The following XYLT1 variants were observed in gnomAD, a reference collection of about 807,000 sequenced individuals.
XYLT1 encodes the protein beta-D-xylosyltransferase 1.
XYLT1 carries 36 observed loss-of-function variants against 91.3 expected under a neutral mutation model. That is an observed-to-expected ratio of 0.39 (90% CI 0.30 to 0.52). The LOEUF (loss-of-function observed/expected upper bound fraction) is 0.52. Among genes scored for constraint, XYLT1 ranks in the 20% least tolerant of loss-of-function variants. The pLI, the probability that XYLT1 is intolerant of heterozygous loss-of-function variation, is 0.68. For synonymous variants in XYLT1, 588 were observed against 532.0 expected (o/e 1.11, Z -1.45); for missense variants, 1,242 against 1,284.5 (o/e 0.97, Z 0.51).
intron 5 of XYLT1, among the ~76,000 whole-genome samples, chr16:17,160,809 T>C (rs888446219): frequency 2.6e-5 from 4 of 152,198 alleles, no homozygotes; most frequent in Non-Finnish European, 5.9e-5. Flanking sequence ...AGAGCCTCTT[T>C]AATAAGTCGC....
chr16:17,431,486 A>G (rs1335037561), intron 1 of XYLT1, among the ~76,000 whole-genome samples: 1 of 152,196 alleles, frequency 6.6e-6, no homozygotes, highest in Non-Finnish European at 1.5e-5. Flanking sequence ...CAAATTTAAG[A>G]AGCACTTAGC....
chr16:17,161,452 G>T (rs1207595134), intron 5 of XYLT1, among the ~76,000 whole-genome samples: 3 of 152,100 alleles, frequency 2.0e-5, no homozygotes. Context: ...CCTTGCTAGG[G>T]TCTCGGGCCC....
In XYLT1 at chr16:17,104,158, C is replaced by T. The variant is rs570396748; in HGVS notation, c.*4537G>A. On this transcript the variant is annotated 3_prime_UTR_variant, in exon 12 of 12. Coordinates refer to ENST00000261381, the MANE Select transcript of XYLT1 (RefSeq NM_022166.4). ...GAGCCAGCACAGCTCTATGTGGTTT[C>T]CAAAGAGGCTTCCAGGGATGGGACA... The T allele has an allele frequency of 2.0e-5, 3 of 152,818 alleles. No homozygotes were observed. The South Asian group carries it at 6.2e-4, about 32-fold the overall frequency. The allele number at this position is 152,818 out of a possible 1,614,324, so 9.5% of individuals were successfully genotyped here.
chr16:17,245,147 A>C (rs1283886485), intron 3 of XYLT1, among the ~76,000 whole-genome samples: 1 of 152,196 alleles, frequency 6.6e-6, no homozygotes, highest in African/African-American at 2.4e-5. Context: ...CCTTATCTGC[A>C]ATGTTTCAGT....
intron 2 of XYLT1, among the ~76,000 whole-genome samples, chr16:17,332,315 A>T (rs1327047370): frequency 6.6e-6 from 1 of 152,194 alleles, no homozygotes; most frequent in Non-Finnish European, 1.5e-5. Flanking sequence ...TAATCCCAGC[A>T]CTTTGGAAGG....
intron 1 of XYLT1, among the ~76,000 whole-genome samples, chr16:17,378,053 T>C (rs778375480): frequency 1.3e-5 from 2 of 152,218 alleles, no homozygotes; most frequent in African/African-American, 2.4e-5. Flanking sequence ...AGGTCAAACC[T>C]GTCTACAGTA....
chr16:17,220,322 A>C, intron 3 of XYLT1, among the ~76,000 whole-genome samples: 1 of 152,120 alleles, frequency 6.6e-6, no homozygotes, highest in African/African-American at 2.4e-5. Flanking sequence ...TTTAAAAAAA[A>C]AATATGAGCA....
chr16:17,163,803 C>T (rs896457316), intron 5 of XYLT1, among the ~76,000 whole-genome samples: 1 of 152,094 alleles, frequency 6.6e-6, no homozygotes, highest in Admixed American at 6.6e-5. Flanking sequence ...AATCCCAGCA[C>T]TGTGGGAGGC....
intron 8 of XYLT1, among the ~76,000 whole-genome samples, chr16:17,135,316 T>C (rs1362256994): frequency 6.6e-6 from 1 of 152,104 alleles, no homozygotes; most frequent in Non-Finnish European, 1.5e-5. Context: ...GCCTCTTTGG[T>C]ATTTCAGCCA....
At chr16:17,397,280 A>G (rs529959202) in intron 1 of XYLT1, among the ~76,000 whole-genome samples, 8 of 152,078 alleles carry the variant, frequency 5.3e-5, no homozygotes, top group African/African-American at 1.9e-4. Context: ...ATTGCCATCG[A>G]CCTCTATCTG....
Position 17,259,023 on chromosome 16 carries a change from A to G in XYLT1, c.878T>C (p.Met293Thr), listed in dbSNP as rs1315318375. 1 of 1,510,720 alleles carries G rather than the reference A, an allele frequency of 6.6e-7. No homozygotes were observed. Among genetic ancestry groups the G allele is most frequent in the Non-Finnish European group, 8.9e-7 (1 of 1,129,624 alleles). 93.6% of individuals were successfully genotyped at this position (1,510,720 alleles called of 1,614,324 possible). A position where few individuals can be genotyped will look rare whatever the true frequency, so the allele number is the denominator to read the frequency against. The change falls in exon 3 of 12, where the codon ATG becomes ACG. Residue 293 changes from methionine (M) to threonine (T), a missense_variant. Around this residue, in one of 3 missense-constraint regions of XYLT1, gnomAD observed 437 missense variants for 411.5 expected, o/e 1.06. Coordinates refer to ENST00000261381, the MANE Select transcript of XYLT1 (RefSeq NM_022166.4). ...GCAGAACCGAGTCACCTTCTCAGGC[A>G]TCAGCAGCCCTAACTTGTGGCGGCA... ...TYCRHKLGLL[M>T]PEKVTRFCPL...
intron 1 of XYLT1, among the ~76,000 whole-genome samples, chr16:17,412,632 G>T (rs1445828228): frequency 6.6e-6 from 1 of 152,094 alleles, no homozygotes; most frequent in Non-Finnish European, 1.5e-5. Flanking sequence ...AAGATTCTAA[G>T]ACATCAAAGT....
At chr16:17,355,947 C>G (rs2035289083) in intron 2 of XYLT1, among the ~76,000 whole-genome samples, 1 of 152,148 alleles carries the variant, frequency 6.6e-6, no homozygotes, top group African/African-American at 2.4e-5. Context: ...CTCCTAGCCT[C>G]AAGTGATCTG....
intron 1 of XYLT1, among the ~76,000 whole-genome samples, chr16:17,428,827 A>C (rs921731659): frequency 6.6e-6 from 1 of 152,044 alleles, no homozygotes; most frequent in African/African-American, 2.4e-5. Context: ...GAGAGGGAGG[A>C]GGAAAGAAAT....
At chr16:17,148,216 A>C (rs2031188246) in intron 6 of XYLT1, among the ~76,000 whole-genome samples, 1 of 152,224 alleles carries the variant, frequency 6.6e-6, no homozygotes, top group East Asian at 1.9e-4. Context: ...CAAAGTGTTT[A>C]GTAAGCGCTG....
chr16:17,175,030 C>T (rs948296288), intron 5 of XYLT1, among the ~76,000 whole-genome samples: 1 of 152,186 alleles, frequency 6.6e-6, no homozygotes, highest in African/African-American at 2.4e-5. Flanking sequence ...TTTGGCCTCC[C>T]AAATTGCTGG....
chr16:17,324,121 C>CA (rs2034765444), intron 2 of XYLT1, among the ~76,000 whole-genome samples: 1 of 151,992 alleles, frequency 6.6e-6, no homozygotes. Context: ...CAAGCATGGT[C>CA]ATGGGGATTG....
At chr16:17,318,912 C>T (rs1298500141) in intron 2 of XYLT1, among the ~76,000 whole-genome samples, 2 of 151,834 alleles carry the variant, frequency 1.3e-5, no homozygotes, top group African/African-American at 2.4e-5. Context: ...CTCATCCTCT[C>T]GAGTAGCTGG....
chr16:17,219,944 T>C (rs891728661), intron 3 of XYLT1, among the ~76,000 whole-genome samples: 2 of 152,138 alleles, frequency 1.3e-5, no homozygotes, highest in Non-Finnish European at 2.9e-5. Context: ...GGCAGGAGAA[T>C]AAACTTTTCT....
Sources: allele counts gnomAD v4.1 joint callset (sites outside exome capture counted in the v4.1 genomes callset), GRCh38; gene constraint gnomAD v4.1.1; regional missense constraint gnomAD v4.1.1; transcripts MANE v1.5; gene names NCBI Gene and HGNC (gene_info 2026-07-23, HGNC 2026-07-21).